Variants in CCDC85A observed in about 807,000 individuals in gnomAD.
The protein encoded by CCDC85A is coiled-coil domain containing 85A.
A neutral mutation model predicts 50.2 loss-of-function variants in CCDC85A; 38 were observed. The ratio of observed to expected loss-of-function variants is 0.76; its 90% CI spans 0.58 to 0.99. The LOEUF is 0.99. Ranked by LOEUF, CCDC85A falls within the 50% of genes least tolerant of loss-of-function variation. The probability of loss-of-function intolerance (pLI) is 0.00; values close to 1 mark genes in which losing one functional copy is unlikely to be tolerated. For synonymous variants in CCDC85A, 366 were observed against 301.4 expected, an observed-to-expected ratio of 1.21 and a Z score of -2.22; for missense variants, 820 against 742.0, an observed-to-expected ratio of 1.11 and a Z score of -1.22.
chr2:56,204,509 G>A (rs1332942463), intron 2 of CCDC85A, among the ~76,000 whole-genome samples: 2 of 152,166 alleles, frequency 1.3e-5, no homozygotes, highest in Non-Finnish European at 1.5e-5. Context: ...GGGTGAGGAA[G>A]CCGGAAACCA....
At chr2:56,352,210 C>T (rs772739199) in intron 3 of CCDC85A, among the ~76,000 whole-genome samples, 6 of 151,804 alleles carry the variant, frequency 4.0e-5, no homozygotes, top group Non-Finnish European at 7.4e-5. Flanking sequence ...ATAAAGTAGA[C>T]AAATATAAAT....
intron 2 of CCDC85A, among the ~76,000 whole-genome samples, chr2:56,213,859 A>T (rs946967626): frequency 6.6e-6 from 1 of 152,014 alleles, no homozygotes; most frequent in East Asian, 1.9e-4. Context: ...CCTCTCATAA[A>T]TATGACATGA....
chr2:56,301,712 A>G (rs143554263), intron 2 of CCDC85A, among the ~76,000 whole-genome samples: 198 of 152,310 alleles, frequency 1.3e-3, no homozygotes, highest in African/African-American at 3.9e-3. Flanking sequence ...AAAAGATCAG[A>G]AAACCAAACA....
intron 2 of CCDC85A, among the ~76,000 whole-genome samples, chr2:56,296,897 A>G (rs1573200559): frequency 1.3e-5 from 2 of 152,350 alleles, no homozygotes; most frequent in South Asian, 2.1e-4. Context: ...ATGTACTAAA[A>G]TAGAATAACA....
chr2:56,297,510 GATTTAGCTATT>G, intron 2 of CCDC85A, among the ~76,000 whole-genome samples: 1 of 151,730 alleles, frequency 6.6e-6, no homozygotes, highest in East Asian at 1.9e-4. Flanking sequence ...GAACATTTGT[GATTTAGCTATT>G]CAGTAGGCAA....
intron 2 of CCDC85A, among the ~76,000 whole-genome samples, chr2:56,290,843 T>C (rs980560279): frequency 3.9e-5 from 6 of 152,192 alleles, no homozygotes; most frequent in Non-Finnish European, 8.8e-5. Context: ...AGTAGAAAAA[T>C]TGGCTCTTTT....
intron 2 of CCDC85A, among the ~76,000 whole-genome samples, chr2:56,334,501 A>T (rs1673977854): frequency 6.6e-6 from 1 of 152,234 alleles, no homozygotes; most frequent in Non-Finnish European, 1.5e-5. Flanking sequence ...TGATTCACTG[A>T]CAGATGAGTT....
intron 5 of CCDC85A, among the ~76,000 whole-genome samples, chr2:56,380,252 G>A (rs1203340673): frequency 6.6e-6 from 1 of 152,140 alleles, no homozygotes; most frequent in East Asian, 1.9e-4. Flanking sequence ...AACTATTCTT[G>A]GAAAAAATCG....
At chr2:56,279,139 A>T (rs1389898903) in intron 2 of CCDC85A, among the ~76,000 whole-genome samples, 4 of 152,156 alleles carry the variant, frequency 2.6e-5, no homozygotes, top group Non-Finnish European at 5.9e-5. Context: ...TGGACTGTGA[A>T]CTAGAAAGTT....
chr2:56,329,943 C>CTTTTTTT (rs1336192523), intron 2 of CCDC85A, among the ~76,000 whole-genome samples: 503 of 22,768 alleles, frequency 0.022, 44 homozygotes, highest in Non-Finnish European at 0.037. Flanking sequence ...TACAGATTTC[C>CTTTTTTT]TGTTTTTTTT....
chr2:56,186,388 C>A (rs1676047713), intron 1 of CCDC85A, among the ~76,000 whole-genome samples: 1 of 152,240 alleles, frequency 6.6e-6, no homozygotes, highest in East Asian at 1.9e-4. Context: ...TTCACCAATA[C>A]AATGCAATGA....
chr2:56,361,313 GC>G lies in CCDC85A; in HGVS notation c.1318-11030del, dbSNP rs1675516246. 8.5e-5 allele frequency among the ~76,000 whole-genome samples: 13 copies of G among 152,058 alleles called. No individual in the cohort carries two copies. In the South Asian group the frequency reaches 2.3e-3, roughly 27 times the overall value. On this transcript the variant is annotated intron_variant, in intron 3 of 5. Transcript: ENST00000407595. ...GTAGGTCATGGAAGGCTGATGGCTA[GC>G]ATTGGCCATTCATTTAATCTTTTAC...
chr2:56,251,977 A>C (rs1406428342), intron 2 of CCDC85A, among the ~76,000 whole-genome samples: 1 of 149,464 alleles, frequency 6.7e-6, no homozygotes, highest in Non-Finnish European at 1.5e-5. Context: ...AGTCTGTGCT[A>C]TTCAGTTTGA....
intron 2 of CCDC85A, among the ~76,000 whole-genome samples, chr2:56,307,066 G>C (rs1038196878): frequency 4.6e-5 from 7 of 152,002 alleles, no homozygotes; most frequent in African/African-American, 1.7e-4. Flanking sequence ...TAAAAATTCA[G>C]GAACTACAGC....
intron 2 of CCDC85A, among the ~76,000 whole-genome samples, chr2:56,255,748 G>T (rs1453906797): frequency 6.6e-6 from 1 of 152,018 alleles, no homozygotes; most frequent in Non-Finnish European, 1.5e-5. Context: ...CATGGGTTGG[G>T]GTTTTTGTTG....
chr2:56,281,325 C>T (rs373453472), intron 2 of CCDC85A, among the ~76,000 whole-genome samples: 4 of 151,966 alleles, frequency 2.6e-5, no homozygotes, highest in East Asian at 1.9e-4. Context: ...TGTTTATATA[C>T]GGTTTTGTTG....
intron 2 of CCDC85A, among the ~76,000 whole-genome samples, chr2:56,332,275 C>G (rs72929104): frequency 0.015 from 2,322 of 152,284 alleles, 58 homozygotes; most frequent in African/African-American, 0.051. Flanking sequence ...GCCACCCCTT[C>G]ATAGTCCTTT....
chr2:56,214,874 A>C (rs377401833), intron 2 of CCDC85A, among the ~76,000 whole-genome samples: 14 of 152,006 alleles, frequency 9.2e-5, no homozygotes, highest in African/African-American at 3.4e-4. Context: ...CTTCCTACTT[A>C]AACTTTAGAA....
At chr2:56,238,329 A>T (rs776030512) in intron 2 of CCDC85A, among the ~76,000 whole-genome samples, 1 of 151,978 alleles carries the variant, frequency 6.6e-6, no homozygotes, top group Non-Finnish European at 1.5e-5. Flanking sequence ...AGGCAGGAGA[A>T]TCACTTGAAC....
Sources: gnomAD v4.1 joint callset for allele counts (sites outside exome capture counted in the v4.1 genomes callset) on GRCh38, gnomAD v4.1.1 for gene constraint, MANE v1.5 for transcripts, NCBI Gene and HGNC (gene_info 2026-07-23, HGNC 2026-07-21) for gene names.